The following XDH variants were observed in gnomAD, a reference collection of about 807,000 sequenced individuals.
The protein encoded by XDH is xanthine dehydrogenase/oxidase.
A neutral mutation model predicts 156.1 loss-of-function variants in XDH; 138 were observed. That is an observed-to-expected ratio of 0.88 (90% CI 0.77 to 1.02). The LOEUF is 1.02. XDH is among the 50% of genes least tolerant of loss of function. The pLI is 0.00. For synonymous variants in XDH, 669 were observed against 625.7 expected (o/e 1.07, Z -1.03); for missense variants, 1,849 against 1,684.9 (o/e 1.10, Z -1.71).
Position 31,397,752 on chromosome 2 carries a change from C to CA in XDH, c.434-24dup, listed in dbSNP as rs768974230. 23 of 1,613,974 alleles carry CA rather than the reference C, an allele frequency of 1.4e-5. No homozygotes were observed. The South Asian group carries it at 2.4e-4, about 17-fold the overall frequency. Reference sequence around the variant, plus strand: ...TTCCTGTGGGCCAAGGAAAAAACTGCAATGTCAGTGCAGGGCCCTGGGATG... The same window carrying CA: ...TTCCTGTGGGCCAAGGAAAAAACTGCAAATGTCAGTGCAGGGCCCTGGGATG... On this transcript the variant is annotated intron_variant, in intron 5 of 35. Coordinates refer to ENST00000379416, the MANE Select transcript of XDH (RefSeq NM_000379.4).
At position 31,386,510 on chromosome 2, in the gene XDH, G is replaced by T. The variant is rs149487595; in HGVS notation, c.697C>A (p.Arg233Ser). ...GTTGAGGCCTGTATCCACGTCACAC[G>T]CTCCCCTTCAAATCGCAGCTGCTTC... ...PRKQLRFEGE[R>S]VTWIQASTLK... The change falls in exon 9 of 36, where the codon CGT becomes AGT. Residue 233 changes from arginine to serine, a missense_variant. By Grantham distance (110) the Arg-to-Ser change is moderately radical. Transcript: ENST00000379416. 2.5e-6 allele frequency: 4 copies of T among 1,613,956 alleles called. No homozygotes were observed. Among genetic ancestry groups the T allele is most frequent in the Non-Finnish European group, 3.4e-6 (4 of 1,180,018 alleles).
chr2:31,372,446 C>A, intron 16 of XDH, 49 bp from the exon 17 acceptor site: 1 of 1,612,198 alleles, frequency 6.2e-7, no homozygotes, highest in South Asian at 1.1e-5. Flanking sequence ...GGACACTGCC[C>A]CTCTATGGGC....
chr2:31,338,030 G>A (rs139226856), intron 34 of XDH, among the ~76,000 whole-genome samples: 9 of 152,272 alleles, frequency 5.9e-5, no homozygotes, highest in Admixed American at 2.6e-4. Flanking sequence ...TGACTGGACC[G>A]CATGGACATA....
intron 27 of XDH, 126 bp downstream of exon 27, chr2:31,348,773 G>T: frequency 1.2e-6 from 1 of 849,868 alleles, no homozygotes; most frequent in Non-Finnish European, 2.0e-6. Context: ...TTCATTTAAA[G>T]AGCAAAGAGT....
intron 35 of XDH, 85 bp downstream of exon 35, chr2:31,337,556 C>T (rs960082856): frequency 6.2e-7 from 1 of 1,603,612 alleles, no homozygotes; most frequent in Non-Finnish European, 8.5e-7. Flanking sequence ...CCCAACACCT[C>T]TCCTCTGTGC....
rs17011368 is a variant in XDH, at chr2:31,368,051, T to C, written c.2107A>G (p.Ile703Val). The change falls in exon 20 of 36, where the codon ATA becomes GTA. Residue 703 changes from isoleucine (I) to valine (V), a missense_variant. Coordinates refer to ENST00000379416, the MANE Select transcript of XDH (RefSeq NM_000379.4). ...GGTCCATAAAAGGAGTTGTTCTTTA[T>C]AGCATCCTGAGGATCACAAAGAAGT... is the stretch of plus-strand genomic sequence containing the variant. ...LPAIITIEDA[I>V]KNNSFYGPEL... 0.036 allele frequency: 58,759 copies of C among 1,613,932 alleles called. 1,453 individuals are homozygous for C. The highest frequency in any genetic ancestry group is 0.12 in the African/African-American group (8,748 of 75,018).
intron 6 of XDH, among the ~76,000 whole-genome samples, chr2:31,391,447 G>A (rs1160644545): frequency 6.6e-6 from 1 of 152,064 alleles, no homozygotes; most frequent in Non-Finnish European, 1.5e-5. Flanking sequence ...CTCTGACTTT[G>A]TTCTCTATTC....
chr2:31,346,622 C>T (rs1685301507), intron 30 of XDH, 147 bp downstream of exon 30: 3 of 984,674 alleles, frequency 3.0e-6, no homozygotes, highest in Non-Finnish European at 4.9e-6. Flanking sequence ...ATTTATTCAT[C>T]CTGTAAAATC....
chr2:31,369,655 C>A (rs774639093), intron 18 of XDH, among the ~76,000 whole-genome samples: 3 of 152,210 alleles, frequency 2.0e-5, no homozygotes, highest in Non-Finnish European at 4.4e-5. Context: ...GCTAGCACTG[C>A]TCTGAGAAGC....
In XDH at chr2:31,370,370, G is replaced by C. The variant is rs1351779398; in HGVS notation, c.1965C>G (p.Val655=). ...CAAGACTTACCTTATCCTTCGCAAA[G>C]ACTGTCTCATCATTACAAATTCCAG... ...NITGICNDET[V]FAKDKVTCVG... is the part of the protein sequence containing the mutation. The change falls in exon 18 of 36, where the codon GTC becomes GTG. Residue 655 remains valine, a synonymous_variant. Transcript: ENST00000379416. The C allele has an allele frequency of 6.2e-7, 1 of 1,614,154 alleles. No individual in the cohort carries two copies. The highest frequency in any genetic ancestry group is 1.7e-5 in the Admixed American group (1 of 60,018).
At chr2:31,402,976 C>T in intron 3 of XDH, 72 bp downstream of exon 3, 2 of 1,534,152 alleles carry the variant, frequency 1.3e-6, no homozygotes, top group Non-Finnish European at 1.8e-6. Context: ...CACATACACT[C>T]ATGCACTCCC....
Position 31,383,047 on chromosome 2 carries a change from A to C in XDH, c.992T>G (p.Leu331Arg). 1 of 1,614,156 alleles carries C rather than the reference A, an allele frequency of 6.2e-7. No homozygotes were observed. Among genetic ancestry groups the C allele is most frequent in the Non-Finnish European group, 8.5e-7 (1 of 1,180,022 alleles). Reference protein sequence around the residue: ...AQKTEVFRGVLEQLRWFAGKQ... With the variant: ...AQKTEVFRGVREQLRWFAGKQ... The stretch of plus-strand genomic sequence containing the variant: ...CCCAGCAAACCAGCGCAGCTGCTCC[A>C]GGACCCCTCTGAACACCTCTGTCTT... The change falls in exon 11 of 36, where the codon CTG (leucine) becomes CGG (arginine). Residue 331 changes from leucine to arginine, a missense_variant. Leu to Arg is a moderately radical substitution (Grantham distance 102). Coordinates refer to ENST00000379416, the MANE Select transcript of XDH (RefSeq NM_000379.4).
chr2:31,386,580 C>T, intron 8 of XDH, 25 bp from the exon 9 acceptor site: 2 of 1,614,076 alleles, frequency 1.2e-6, no homozygotes, highest in Non-Finnish European at 1.7e-6. Flanking sequence ...TTTCTTACTA[C>T]ACTGTCTCCC....
At chr2:31,377,943 C>T (rs1283758484) in intron 13 of XDH, among the ~76,000 whole-genome samples, 2 of 151,086 alleles carry the variant, frequency 1.3e-5, no homozygotes, top group African/African-American at 4.9e-5. Context: ...ATCACTTGAG[C>T]CTGGGACATT....
chr2:31,337,781 T>C lies in XDH; in HGVS notation c.3811A>G (p.Ile1271Val), dbSNP rs756200184. ...GEPPLFLAAS[I>V]FFAIKDAIRA... ...ATGGCATCTTTGATGGCAAAGAAGATAGAAGCAGCCAGGAAGAGGGGCGGC... is the reference window on the plus strand; with the variant it reads ...ATGGCATCTTTGATGGCAAAGAAGACAGAAGCAGCCAGGAAGAGGGGCGGC... Residue 1271 changes from isoleucine to valine, a missense_variant, in exon 35 of 36, where the codon ATC (isoleucine) becomes GTC (valine). By Grantham distance (29) the Ile-to-Val change is conservative. Coordinates refer to ENST00000379416, the MANE Select transcript of XDH (RefSeq NM_000379.4). 1.5e-5 allele frequency: 25 copies of C among 1,614,036 alleles called. No individual in the cohort carries two copies. The South Asian group carries it at 2.4e-4, about 16-fold the overall frequency.
At chr2:31,409,510 C>G (rs1485457746) in intron 1 of XDH, among the ~76,000 whole-genome samples, 1 of 152,058 alleles carries the variant, frequency 6.6e-6, no homozygotes, top group Non-Finnish European at 1.5e-5. Flanking sequence ...TGCAATGAGC[C>G]ATCAGTGACT....
intron 17 of XDH, among the ~76,000 whole-genome samples, chr2:31,371,200 T>C (rs1170891355): frequency 6.6e-6 from 1 of 151,992 alleles, no homozygotes; most frequent in Non-Finnish European, 1.5e-5. Flanking sequence ...CACTGGCACA[T>C]GCCCCCATGG....
intron 6 of XDH, among the ~76,000 whole-genome samples, chr2:31,393,090 G>GA (rs370937532): frequency 6.6e-6 from 1 of 152,148 alleles, no homozygotes; most frequent in African/African-American, 2.4e-5. Context: ...GTGAGCTTGA[G>GA]AAAAATGTCT....
At chr2:31,383,872 T>A (rs1244564774) in intron 9 of XDH, 25 bp from the exon 10 acceptor site, 4 of 1,607,686 alleles carry the variant, frequency 2.5e-6, no homozygotes, top group Non-Finnish European at 3.4e-6. Context: ...GAAGCTGAAG[T>A]TGTAGGCCCA....
Sources: gnomAD v4.1 joint callset for allele counts (sites outside exome capture counted in the v4.1 genomes callset) on GRCh38, gnomAD v4.1.1 for gene constraint, MANE v1.5 for transcripts, NCBI Gene and HGNC (gene_info 2026-07-23, HGNC 2026-07-21) for gene names.